The following ZNF618 variants were observed in gnomAD, a reference collection of about 807,000 sequenced individuals.
ZNF618 encodes neural precursor cell expressed, developmentally down-regulated 10.
ZNF618 carries 34 observed loss-of-function variants against 103.0 expected under a neutral mutation model. The ratio of observed to expected loss-of-function variants is 0.33; its 90% CI spans 0.25 to 0.44. ZNF618 has a LOEUF of 0.44. ZNF618 is among the 20% of genes least tolerant of loss of function. The pLI is 1.00. For synonymous variants in ZNF618, 551 were observed against 542.2 expected (o/e 1.02, Z -0.23); for missense variants, 1,059 against 1,295.4 (o/e 0.82, Z 2.80).
intron 1 of ZNF618, among the ~76,000 whole-genome samples, chr9:113,892,957 C>T (rs1369234582): frequency 6.6e-6 from 1 of 152,180 alleles, no homozygotes; most frequent in Admixed American, 6.5e-5. Context: ...TACAGATGTA[C>T]AGGTATCACA....
chr9:114,010,464 T>C lies in ZNF618; in HGVS notation c.754+1910T>C, dbSNP rs377031408. Among the ~76,000 whole-genome samples, 47 of 152,196 alleles carry C rather than the reference T, an allele frequency of 3.1e-4. 1 individual carries two copies. The East Asian group carries it at 8.1e-3, about 26-fold the overall frequency. On this transcript the variant is annotated intron_variant, in intron 9 of 14. Transcript: ENST00000374126. Reference sequence around the variant, plus strand: ...GCTCTCGCCTGTAATCCTAGCACTTTGGGAGGCCGAGACGGGTGGATCACA... The same window carrying C: ...GCTCTCGCCTGTAATCCTAGCACTTCGGGAGGCCGAGACGGGTGGATCACA...
In ZNF618 at chr9:114,049,161, G is replaced by A. The variant is rs376584700; in HGVS notation, c.1859G>A (p.Arg620Gln). ...EIRTVYVTDC[R>Q]VSTSAFSKAG... is the part of the protein sequence containing the mutation. ...AGGACAGTGTACGTGACGGATTGCC[G>A]GGTGAGCACGTCCGCCTTCTCCAAG... Residue 620 changes from arginine (R) to glutamine (Q), a missense_variant, in exon 15 of 15, where the codon CGG becomes CAG. Around this residue, in one of 6 missense-constraint regions of ZNF618, gnomAD observed 272 missense variants for 380.1 expected, o/e 0.72. Coordinates refer to ENST00000374126, the MANE Select transcript of ZNF618 (RefSeq NM_001318042.2). The A allele has an allele frequency of 1.1e-5, 18 of 1,613,706 alleles. No individual in the cohort carries two copies. The highest frequency in any genetic ancestry group is 4.5e-5 in the East Asian group (2 of 44,894).
chr9:113,912,014 C>T (rs1831596818), intron 1 of ZNF618, among the ~76,000 whole-genome samples: 1 of 152,172 alleles, frequency 6.6e-6, no homozygotes. Context: ...TGGGCCCCAC[C>T]CCCAGAGATT....
rs571516600 is a variant in ZNF618 at position 113,896,659 on chromosome 9, C to G, written c.33+20246C>G. ...GTATTTTTCAGATTCCCCATAGGGC[C>G]TTAGATATATTATTAAGTTTTTCTA... is the stretch of plus-strand genomic sequence containing the variant. On this transcript the variant is annotated intron_variant, in intron 1 of 14. Transcript: ENST00000374126. Among the ~76,000 whole-genome samples, 41 of 152,038 alleles carry G rather than the reference C, an allele frequency of 2.7e-4. No individual in the cohort carries two copies. The South Asian group carries it at 8.3e-3, about 31-fold the overall frequency.
At chr9:113,983,877 C>T (rs1839201494) in intron 2 of ZNF618, among the ~76,000 whole-genome samples, 1 of 152,128 alleles carries the variant, frequency 6.6e-6, no homozygotes, top group Non-Finnish European at 1.5e-5. Context: ...TCTAGAAACC[C>T]ATCTCAAGGA....
At chr9:113,944,079 C>G (rs1834786184) in intron 1 of ZNF618, among the ~76,000 whole-genome samples, 1 of 152,146 alleles carries the variant, frequency 6.6e-6, no homozygotes, top group South Asian at 2.1e-4. Context: ...CTGCTCACAC[C>G]TCGCCCTGCA....
chr9:114,027,707 G>T (rs1843635804), intron 10 of ZNF618, among the ~76,000 whole-genome samples: 1 of 152,146 alleles, frequency 6.6e-6, no homozygotes, highest in African/African-American at 2.4e-5. Context: ...GGGAGATAAT[G>T]GGGCCTGCCT....
At chr9:113,909,892 C>T (rs1304678285) in intron 1 of ZNF618, among the ~76,000 whole-genome samples, 2 of 151,854 alleles carry the variant, frequency 1.3e-5, no homozygotes, top group Non-Finnish European at 2.9e-5. Flanking sequence ...TCAAGTGATT[C>T]TTCTGCCTCA....
intron 10 of ZNF618, among the ~76,000 whole-genome samples, chr9:114,023,652 G>T (rs1843252515): frequency 6.6e-6 from 1 of 151,908 alleles, no homozygotes; most frequent in Admixed American, 6.6e-5. Context: ...TTATATTGTA[G>T]GTCTATTGGT....
At chr9:113,908,098 C>G (rs1012364695) in intron 1 of ZNF618, among the ~76,000 whole-genome samples, 12 of 152,076 alleles carry the variant, frequency 7.9e-5, no homozygotes, top group Admixed American at 6.5e-4. Flanking sequence ...CAGGATGGCT[C>G]CTGAGAACTG....
At chr9:113,912,395 A>G (rs958891784) in intron 1 of ZNF618, among the ~76,000 whole-genome samples, 2 of 152,178 alleles carry the variant, frequency 1.3e-5, no homozygotes, top group African/African-American at 2.4e-5. Context: ...TAGTGCTGGG[A>G]TATGGGTGGG....
At chr9:114,027,747 C>T (rs533968159) in intron 10 of ZNF618, among the ~76,000 whole-genome samples, 1 of 152,164 alleles carries the variant, frequency 6.6e-6, no homozygotes, top group South Asian at 2.1e-4. Context: ...GAGCAACAGC[C>T]AGGTCCTTCG....
chr9:113,916,999 A>G (rs1230056715), intron 1 of ZNF618, among the ~76,000 whole-genome samples: 1 of 152,152 alleles, frequency 6.6e-6, no homozygotes, highest in Non-Finnish European at 1.5e-5. Context: ...CTTGTTCAGA[A>G]GGAAGAGGGG....
rs139689323 is a variant in ZNF618 at position 113,978,203 on chromosome 9, A to G, written c.77+9043A>G. Reference sequence around the variant, plus strand: ...AACAGGTGATGATGTGAGGATTTGAAACTTAGGCGGAATAGTAAGTACCAG... The same window carrying G: ...AACAGGTGATGATGTGAGGATTTGAGACTTAGGCGGAATAGTAAGTACCAG... On this transcript the variant is annotated intron_variant, in intron 2 of 14. Transcript: ENST00000374126. Among the ~76,000 whole-genome samples the G allele has an allele frequency of 8.5e-5, 13 of 152,326 alleles. No homozygotes were observed. In the East Asian group the frequency reaches 2.5e-3, roughly 29 times the overall value.
intron 9 of ZNF618, among the ~76,000 whole-genome samples, 185 bp from the exon 10 acceptor site, chr9:114,016,510 G>A (rs148181463): frequency 2.4e-4 from 37 of 152,226 alleles, no homozygotes; most frequent in Admixed American, 9.8e-4. Context: ...AGACTTGCCC[G>A]AGGTTACCCA....
chr9:114,046,891 T>A (rs1845703860), intron 13 of ZNF618, among the ~76,000 whole-genome samples: 1 of 152,230 alleles, frequency 6.6e-6, no homozygotes, highest in Non-Finnish European at 1.5e-5. Flanking sequence ...TCCCACTTGG[T>A]CATGGTATGG....
chr9:113,879,799 A>AT (rs1438333403), intron 1 of ZNF618, among the ~76,000 whole-genome samples: 3 of 146,824 alleles, frequency 2.0e-5, no homozygotes, highest in African/African-American at 5.0e-5. Flanking sequence ...TTTTTTTTTA[A>AT]TTTTTTCTAA....
chr9:113,951,840 A>AT (rs1835810529), intron 1 of ZNF618, among the ~76,000 whole-genome samples: 2 of 151,908 alleles, frequency 1.3e-5, no homozygotes, highest in African/African-American at 4.8e-5. Context: ...CAGTTTGATG[A>AT]TTGAATGTGC....
intron 1 of ZNF618, among the ~76,000 whole-genome samples, chr9:113,939,567 G>A (rs1015660613): frequency 1.4e-4 from 21 of 151,812 alleles, no homozygotes; most frequent in Non-Finnish European, 1.5e-5. Flanking sequence ...GATATAATTC[G>A]CTTATTGAAA....
Sources: allele counts gnomAD v4.1 joint callset (sites outside exome capture counted in the v4.1 genomes callset), GRCh38; gene constraint gnomAD v4.1.1; regional missense constraint gnomAD v4.1.1; transcripts MANE v1.5; gene names NCBI Gene and HGNC (gene_info 2026-07-23, HGNC 2026-07-21).